Variants in RAB28 observed in about 807,000 individuals in gnomAD.
RAB28 encodes the protein RAB28, member RAS oncogene family, also known as ras-related protein Rab-28.
A neutral mutation model predicts 31.7 loss-of-function variants in RAB28; 24 were observed. That is an observed-to-expected ratio of 0.76 (90% CI 0.55 to 1.06). The LOEUF (loss-of-function observed/expected upper bound fraction) is 1.06. Among genes scored for constraint, RAB28 ranks in the 50% least tolerant of loss-of-function variants. RAB28 has a pLI of 0.00. For missense variants in RAB28, 254 were observed against 258.5 expected (o/e 0.98, Z 0.12); for synonymous variants, 100 against 90.4 (o/e 1.11, Z -0.60).
At chr4:13,449,733 A>G (rs986881127) in intron 4 of RAB28, among the ~76,000 whole-genome samples, 1 of 151,918 alleles carries the variant, frequency 6.6e-6, no homozygotes, top group Non-Finnish European at 1.5e-5. Flanking sequence ...AACATCTTTA[A>G]GAGTAGAAAT....
At chr4:13,431,802 A>C (rs183733880) in intron 4 of RAB28, among the ~76,000 whole-genome samples, 1 of 152,236 alleles carries the variant, frequency 6.6e-6, no homozygotes, top group African/African-American at 2.4e-5. Context: ...AAAAAGCCCC[A>C]AAACAACAGC....
chr4:13,390,819 T>G (rs972060244), intron 4 of RAB28, among the ~76,000 whole-genome samples: 2 of 152,188 alleles, frequency 1.3e-5, no homozygotes, highest in African/African-American at 4.8e-5. Context: ...ATTCCCTATT[T>G]AATAAATGGT....
At chr4:13,377,921 C>CA (rs1002838710) in intron 5 of RAB28, among the ~76,000 whole-genome samples, 2 of 152,108 alleles carry the variant, frequency 1.3e-5, no homozygotes, top group Admixed American at 6.6e-5. Context: ...TTGGCCTGAG[C>CA]AACTGGTAGA....
Position 13,460,786 on chromosome 4 carries a change from C to T in RAB28, c.304G>A (p.Glu102Lys), listed in dbSNP as rs554015222. 171 of 1,613,754 alleles carry T rather than the reference C, an allele frequency of 1.1e-4. 1 individual carries two copies. The South Asian group carries it at 1.8e-3, about 17-fold the overall frequency. ...VYDITNYQSF[E>K]NLEDWYTVVK... is the part of the protein sequence containing the mutation. Reference sequence around the variant, plus strand: ...ACAGTATACCAATCTTCTAAATTCTCAAAGCTTTGATAATTTGTAATATCA... The same window carrying T: ...ACAGTATACCAATCTTCTAAATTCTTAAAGCTTTGATAATTTGTAATATCA... The change falls in exon 4 of 7, where the codon GAG becomes AAG. Residue 102 changes from glutamate to lysine, a missense_variant. Glu to Lys is a moderately conservative substitution (Grantham distance 56, BLOSUM62 1). Coordinates refer to ENST00000330852, the MANE Select transcript of RAB28 (RefSeq NM_001017979.3).
chr4:13,476,939 A>C (rs1577251864), intron 2 of RAB28, among the ~76,000 whole-genome samples: 1 of 151,520 alleles, frequency 6.6e-6, no homozygotes, highest in Admixed American at 6.6e-5. Flanking sequence ...TAAAGCCACC[A>C]AGAGGGTTCA....
intron 4 of RAB28, among the ~76,000 whole-genome samples, chr4:13,425,645 G>C (rs1403675928): frequency 6.6e-6 from 1 of 152,092 alleles, no homozygotes; most frequent in African/African-American, 2.4e-5. Flanking sequence ...TCAAGATCTT[G>C]AAGATACTGT....
intron 4 of RAB28, among the ~76,000 whole-genome samples, chr4:13,383,723 G>C (rs1729236891): frequency 1.3e-5 from 2 of 152,144 alleles, no homozygotes; most frequent in South Asian, 4.1e-4. Context: ...TAGTAAATAA[G>C]TTCTCATGAG....
rs940013251 is a variant in RAB28 at position 13,484,079 on chromosome 4, C to G, written c.72G>C (p.Gly24=). The G allele has an allele frequency of 1.3e-6, 2 of 1,597,000 alleles. No individual in the cohort carries two copies. Among genetic ancestry groups the G allele is most frequent in the African/African-American group, 2.7e-5 (2 of 74,518 alleles). Residue 24 remains glycine (G), a synonymous_variant, in exon 1 of 7, where the codon GGG becomes GGC. Transcript: ENST00000330852. The part of the protein sequence containing the change: ...KIVVLGDGAS[G]KTSLTTCFAQ... ...GCGGGCCTGCTCGAGGACTGACCTT[C>G]CCGGAGGCGCCGTCCCCCAGCACGA...
chr4:13,369,070 C>T (rs907241656), intron 6 of RAB28, among the ~76,000 whole-genome samples: 1 of 151,872 alleles, frequency 6.6e-6, no homozygotes, highest in East Asian at 1.9e-4. Context: ...TTATATTTAG[C>T]GAAAACTTTT....
rs769720504 is a variant in RAB28, at chr4:13,368,512, A to C, written c.*46T>G. 3 of 1,580,836 alleles carry C rather than the reference A, an allele frequency of 1.9e-6. No individual in the cohort carries two copies. The highest frequency in any genetic ancestry group is 1.9e-5 in the Admixed American group (1 of 53,480). Reference sequence around the variant, plus strand: ...TTCCTAGAAGTCCTCGGGCCCACCCAGAGGTGAAGGGCAGCCAGAACTATC... The same window carrying C: ...TTCCTAGAAGTCCTCGGGCCCACCCCGAGGTGAAGGGCAGCCAGAACTATC... On this transcript the variant is annotated 3_prime_UTR_variant, in exon 7 of 7. Transcript: ENST00000330852.
chr4:13,411,157 A>T (rs555280927), intron 4 of RAB28, among the ~76,000 whole-genome samples: 26 of 152,306 alleles, frequency 1.7e-4, no homozygotes, highest in Middle Eastern at 3.4e-3. Flanking sequence ...TCAATATTAA[A>T]TACCAAAACA....
intron 4 of RAB28, among the ~76,000 whole-genome samples, chr4:13,397,325 A>G (rs778147995): frequency 3.3e-5 from 5 of 152,122 alleles, no homozygotes; most frequent in African/African-American, 4.8e-5. Context: ...GAAAAAGATC[A>G]AGACTATGGA....
intron 4 of RAB28, among the ~76,000 whole-genome samples, chr4:13,456,765 G>A (rs1172310995): frequency 1.3e-5 from 2 of 151,900 alleles, no homozygotes. Context: ...AATAGTTAAC[G>A]TACTAGTTGC....
At chr4:13,456,101 C>G (rs1560139454) in intron 4 of RAB28, among the ~76,000 whole-genome samples, 1 of 152,156 alleles carries the variant, frequency 6.6e-6, no homozygotes, top group Admixed American at 6.5e-5. Flanking sequence ...CTCTCTTTGT[C>G]TCAACCTTTC....
Position 13,451,801 on chromosome 4 carries a change from G to A in RAB28, c.391+8898C>T, listed in dbSNP as rs187175418. Reference sequence around the variant, plus strand: ...GGTGAAGGTCTAGTCTTGTTATTTCGCATATGGATATCCAATTTTCCCAGC... The same window carrying A: ...GGTGAAGGTCTAGTCTTGTTATTTCACATATGGATATCCAATTTTCCCAGC... On this transcript the variant is annotated intron_variant, in intron 4 of 6. Coordinates refer to ENST00000330852, the MANE Select transcript of RAB28 (RefSeq NM_001017979.3). 1.2e-3 allele frequency among the ~76,000 whole-genome samples: 180 copies of A among 151,832 alleles called. 1 individual carries two copies. The highest frequency in any genetic ancestry group is 3.1e-3 in the East Asian group (16 of 5,178).
intron 4 of RAB28, among the ~76,000 whole-genome samples, chr4:13,409,529 G>A (rs1344592698): frequency 1.3e-5 from 2 of 152,182 alleles, no homozygotes; most frequent in Non-Finnish European, 2.9e-5. Flanking sequence ...AGCAGTGCAA[G>A]TACTCAGAGA....
At chr4:13,386,538 A>T (rs1437896986) in intron 4 of RAB28, among the ~76,000 whole-genome samples, 2 of 152,326 alleles carry the variant, frequency 1.3e-5, no homozygotes, top group Non-Finnish European at 2.9e-5. Flanking sequence ...AGAAATGCAA[A>T]TCAAAACCAC....
chr4:13,424,607 CA>C (rs887193060), intron 4 of RAB28, among the ~76,000 whole-genome samples: 1 of 152,040 alleles, frequency 6.6e-6, no homozygotes, highest in East Asian at 1.9e-4. Context: ...TCAACCCATA[CA>C]AAAAAACTAG....
chr4:13,458,972 A>T (rs1055934053), intron 4 of RAB28, among the ~76,000 whole-genome samples: 7 of 152,202 alleles, frequency 4.6e-5, no homozygotes, highest in African/African-American at 1.7e-4. Flanking sequence ...GGAGATTAAC[A>T]TTTGAGTCAG....
Sources: allele counts gnomAD v4.1 joint callset (sites outside exome capture counted in the v4.1 genomes callset), GRCh38; gene constraint gnomAD v4.1.1; transcripts MANE v1.5; gene names NCBI Gene and HGNC (gene_info 2026-07-23, HGNC 2026-07-21).